NMT1: variants seen among roughly 807,000 people sequenced by gnomAD.
The protein encoded by NMT1 is glycylpeptide N-tetradecanoyltransferase 1.
Under a neutral mutation model 63.4 loss-of-function variants are expected in NMT1, and 12 were observed. The ratio of observed to expected loss-of-function variants is 0.19; its 90% CI spans 0.12 to 0.31. The LOEUF (loss-of-function observed/expected upper bound fraction) is 0.31, where lower values mean the gene tolerates loss of function less well. Among genes scored for constraint, NMT1 ranks in the 10% least tolerant of loss-of-function variants. The pLI is 1.00. For synonymous variants in NMT1, 228 were observed against 234.3 expected, an observed-to-expected ratio of 0.97 and a Z score of 0.25; for missense variants, 432 against 634.6, an observed-to-expected ratio of 0.68 and a Z score of 3.43.
chr17:45,098,530 C>T lies in NMT1; in HGVS notation c.862C>T (p.Pro288Ser). ...QAVYTAGVVL[P>S]KPVGTCRYWH... ...AGTTTACACTGCCGGGGTGGTACTA[C>T]CAAAGCCCGTTGGCACCTGCAGGTA... The change falls in exon 7 of 12, where the codon CCA becomes TCA. Residue 288 changes from proline to serine, a missense_variant. This residue lies in a region of NMT1 where 295 missense variants were observed against 489.7 expected (regional missense o/e 0.60). Coordinates refer to ENST00000258960, the MANE Select transcript of NMT1 (RefSeq NM_021079.5). 1.2e-6 allele frequency: 2 copies of T among 1,614,110 alleles called. No individual in the cohort carries two copies. The highest frequency in any genetic ancestry group is 1.7e-6 in the Non-Finnish European group (2 of 1,180,000).
rs1038857011 is a variant in NMT1, at chr17:45,103,103, C to T, written c.1146C>T (p.Ile382=). ...GGTTCTACCCCCAGGAGAATATCAT[C>T]GACACTTTCGTGGTGGAGGTGAGTC... The part of the protein sequence containing the change: ...EHWFYPQENI[I]DTFVVENANG... Residue 382 remains isoleucine, a synonymous_variant, in exon 9 of 12, where the codon ATC becomes ATT. Coordinates refer to ENST00000258960, the MANE Select transcript of NMT1 (RefSeq NM_021079.5). This position sits in a 1 kb window ranked among gnomAD's most constrained non-coding sequence, Gnocchi z 4.8. The T allele has an allele frequency of 8.7e-6, 14 of 1,609,808 alleles. No homozygotes were observed. The African/African-American group carries it at 1.6e-4, about 18-fold the overall frequency.
intron 5 of NMT1, among the ~76,000 whole-genome samples, 174 bp downstream of exon 5, chr17:45,096,459 C>T (rs8073025): frequency 0.017 from 2,585 of 152,306 alleles, 55 homozygotes; most frequent in South Asian, 0.07. Flanking sequence ...CTTAGAATTG[C>T]AGCCTTGTTT....
intron 1 of NMT1, among the ~76,000 whole-genome samples, chr17:45,079,890 G>A (rs552467433): frequency 2.6e-5 from 4 of 152,202 alleles, no homozygotes; most frequent in Admixed American, 6.5e-5. Flanking sequence ...TAGTAGAGAC[G>A]GTGTTTTACC....
rs1286861992 is a variant in NMT1, at chr17:45,081,652, G to A, written c.140G>A (p.Ser47Asn). The change falls in exon 2 of 12, where the codon AGT becomes AAT. Residue 47 changes from serine (S) to asparagine (N), a missense_variant. Physicochemically the swap from Ser to Asn is conservative, Grantham distance 46. Coordinates refer to ENST00000258960, the MANE Select transcript of NMT1 (RefSeq NM_021079.5). Reference sequence around the variant, plus strand: ...TTTACTTTTTGTTACAGTGGTTTGAGTCCAGCCAATGACACTGGAGCCAAA... The same window carrying A: ...TTTACTTTTTGTTACAGTGGTTTGAATCCAGCCAATGACACTGGAGCCAAA... ...EDNSYNRGGLSPANDTGAKKK... is the reference protein window; with the variant it reads ...EDNSYNRGGLNPANDTGAKKK... The A allele has an allele frequency of 6.2e-6, 10 of 1,612,450 alleles. No individual in the cohort carries two copies. Among genetic ancestry groups the A allele is most frequent in the Non-Finnish European group, 8.5e-6 (10 of 1,179,562 alleles).
At chr17:45,102,579 G>T (rs1211201136) in intron 8 of NMT1, among the ~76,000 whole-genome samples, 1 of 152,260 alleles carries the variant, frequency 6.6e-6, no homozygotes, top group Non-Finnish European at 1.5e-5. Flanking sequence ...AGAAGCCTGT[G>T]AGGACTGTTG....
chr17:45,104,263 C>T lies in NMT1; in HGVS notation c.1332+387C>T, dbSNP rs578112822. On this transcript the variant is annotated intron_variant, in intron 10 of 11. Coordinates refer to ENST00000258960, the MANE Select transcript of NMT1 (RefSeq NM_021079.5). The surrounding 1 kb of genome is among the most constrained non-coding windows in gnomAD (Gnocchi z 4.2). ...GCATCCAACTGCCAGTAGCGGATGG[C>T]GAGCCCGTCTGTCAGTGCTTTGCTG... The T allele has an allele frequency of 1.0e-5, 12 of 1,192,248 alleles. No homozygotes were observed. The South Asian group carries it at 1.5e-4, about 14-fold the overall frequency. 73.9% of individuals were successfully genotyped at this position (1,192,248 alleles called of 1,614,324 possible). A position where few individuals can be genotyped will look rare whatever the true frequency, so the allele number is the denominator to read the frequency against.
chr17:45,086,683 C>T, intron 3 of NMT1, 31 bp downstream of exon 3: 3 of 1,584,064 alleles, frequency 1.9e-6, no homozygotes, highest in East Asian at 2.3e-5. Context: ...TTTGCCAGGT[C>T]AGGGGCGAGG....
chr17:45,078,268 TCA>T (rs1283793258), intron 1 of NMT1, among the ~76,000 whole-genome samples: 1 of 152,196 alleles, frequency 6.6e-6, no homozygotes, highest in African/African-American at 2.4e-5. Flanking sequence ...AAAGCCATTT[TCA>T]CAGAGGTGAG....
In NMT1 at chr17:45,103,525, C is replaced by T. The variant is rs1598020751; in HGVS notation, c.1165-184C>T. ...GTCTGGCAGGTTCAGCCCACGATCA[C>T]GGCTCTGTCCTCAAGTGCCCTGAGC... On this transcript the variant is annotated intron_variant, in intron 9 of 11. Coordinates refer to ENST00000258960, the MANE Select transcript of NMT1 (RefSeq NM_021079.5). The surrounding 1 kb of genome is among the most constrained non-coding windows in gnomAD (Gnocchi z 4.8). Among the ~76,000 whole-genome samples the T allele has an allele frequency of 1.3e-5, 2 of 152,294 alleles. No homozygotes were observed. The highest frequency in any genetic ancestry group is 4.2e-4 in the South Asian group (2 of 4,816).
chr17:45,069,376 C>T (rs180726962), intron 1 of NMT1, among the ~76,000 whole-genome samples: 79 of 152,142 alleles, frequency 5.2e-4, no homozygotes, highest in African/African-American at 1.9e-3. Flanking sequence ...ACCACAACCT[C>T]CACCTCCCAG....
chr17:45,066,423 C>T (rs1240530458), intron 1 of NMT1, among the ~76,000 whole-genome samples: 1 of 151,988 alleles, frequency 6.6e-6, no homozygotes, highest in African/African-American at 2.4e-5. Context: ...CTTGTGTTTC[C>T]TCCGTAATTA....
intron 1 of NMT1, among the ~76,000 whole-genome samples, chr17:45,080,224 G>A (rs1163204822): frequency 1.3e-5 from 2 of 151,234 alleles, no homozygotes; most frequent in African/African-American, 4.9e-5. Context: ...GCCGTGGCGC[G>A]ATCTTGGCTC....
At chr17:45,099,992 G>A (rs2054150571) in intron 8 of NMT1, among the ~76,000 whole-genome samples, 1 of 152,128 alleles carries the variant, frequency 6.6e-6, no homozygotes, top group African/African-American at 2.4e-5. Context: ...GAAGGACTGG[G>A]CAACCTTAAA....
rs1166792042 is a variant in NMT1 at position 45,103,341 on chromosome 17, C to A, written c.1164+220C>A. ...CCCCCTCTGCCCCACTTTGATAACA[C>A]AAAATAGAGAGAACTGAGCCCCGCT... On this transcript the variant is annotated intron_variant, in intron 9 of 11. Coordinates refer to ENST00000258960, the MANE Select transcript of NMT1 (RefSeq NM_021079.5). This position sits in a 1 kb window ranked among gnomAD's most constrained non-coding sequence, Gnocchi z 4.8. 6.6e-6 allele frequency among the ~76,000 whole-genome samples: 1 copy of A among 152,178 alleles called. No homozygotes were observed. The highest frequency in any genetic ancestry group is 1.5e-5 in the Non-Finnish European group (1 of 68,028).
intron 3 of NMT1, among the ~76,000 whole-genome samples, chr17:45,092,714 AAAAAAAAG>A (rs1399854892): frequency 1.4e-5 from 2 of 146,542 alleles, no homozygotes; most frequent in African/African-American, 2.6e-5. Flanking sequence ...TCTCAAAAAA[AAAAAAAAG>A]AAAAGAAAAG....
chr17:45,084,336 C>T (rs193196921), intron 2 of NMT1, among the ~76,000 whole-genome samples: 2 of 141,206 alleles, frequency 1.4e-5, no homozygotes, highest in Non-Finnish European at 3.0e-5. Context: ...GCTTGGTAAA[C>T]TTTTTTTTTT....
At chr17:45,099,304 G>C in intron 7 of NMT1, 101 bp from the exon 8 acceptor site, 1 of 798,480 alleles carries the variant, frequency 1.3e-6, no homozygotes, top group South Asian at 1.4e-5. Flanking sequence ...CACCTGATGT[G>C]TCTCTCACGC....
rs1472518506 is a variant in NMT1, at chr17:45,102,945, C to T, written c.994-6C>T. 1.9e-6 allele frequency: 3 copies of T among 1,605,902 alleles called. No homozygotes were observed. The highest frequency in any genetic ancestry group is 1.1e-5 in the South Asian group (1 of 90,636). On this transcript the variant is annotated splice_region_variant and splice_polypyrimidine_tract_variant and intron_variant, in intron 8 of 11. Coordinates refer to ENST00000258960, the MANE Select transcript of NMT1 (RefSeq NM_021079.5). ...TCTCACTCCATCTCTTCTGTCTTGC[C>T]TCCAGACTCCCAAGACAGCTGGGCT...
At position 45,105,820 on chromosome 17, in the gene NMT1, G is replaced by A; in HGVS notation, c.*181G>A. 2 of 584,666 alleles carry A rather than the reference G, an allele frequency of 3.4e-6. No homozygotes were observed. The highest frequency in any genetic ancestry group is 6.0e-6 in the Non-Finnish European group (2 of 336,110). The allele number at this position is 584,666 out of a possible 1,614,324, so 36.2% of individuals were successfully genotyped here. On this transcript the variant is annotated 3_prime_UTR_variant, in exon 12 of 12. Coordinates refer to ENST00000258960, the MANE Select transcript of NMT1 (RefSeq NM_021079.5). This position sits in a 1 kb window ranked among gnomAD's most constrained non-coding sequence, Gnocchi z 4.2. Reference sequence around the variant, plus strand: ...TGTATTGCGATGGCGTGGGCTGCGTGACGTCACCTCCGGTCGTGTCTCTGG... The same window carrying A: ...TGTATTGCGATGGCGTGGGCTGCGTAACGTCACCTCCGGTCGTGTCTCTGG...
Sources: allele counts gnomAD v4.1 joint callset (sites outside exome capture counted in the v4.1 genomes callset), GRCh38; gene constraint gnomAD v4.1.1; regional missense constraint gnomAD v4.1.1; non-coding constraint Gnocchi (gnomAD v3.1); transcripts MANE v1.5; gene names NCBI Gene and HGNC (gene_info 2026-07-23, HGNC 2026-07-21).